NCEH1: variants seen among roughly 807,000 people sequenced by gnomAD.
The protein encoded by NCEH1 is 2-acetyl MAGE hydrolase.
Under a neutral mutation model 25.4 loss-of-function variants are expected in NCEH1, and 9 were observed. The ratio of observed to expected loss-of-function variants is 0.35; its 90% CI spans 0.21 to 0.62. NCEH1 has a LOEUF of 0.62. Among genes scored for constraint, NCEH1 ranks in the 20% least tolerant of loss-of-function variants. NCEH1 has a pLI of 0.72. For synonymous variants in NCEH1, 200 were observed against 199.8 expected (o/e 1.00, Z -0.01); for missense variants, 412 against 501.1 (o/e 0.82, Z 1.70).
At position 172,683,169 on chromosome 3, in the gene NCEH1, C is replaced by T. The variant is rs12630720; in HGVS notation, c.138+27678G>A. 2.8e-3 allele frequency among the ~76,000 whole-genome samples: 179 copies of T among 64,570 alleles called. 35 individuals are homozygous for T. In the East Asian group the frequency reaches 0.051, roughly 18 times the overall value. The allele number at this position is 64,570 out of a possible 152,430, so 42.4% of individuals were successfully genotyped here. A position where few individuals can be genotyped will look rare whatever the true frequency, so the allele number is the denominator to read the frequency against. ...CTGTAATCCCAGCACTTTGGGAGGC[C>T]GAGGCGGGCGGATCACGAGGTCAGG... On this transcript the variant is annotated intron_variant, in intron 1 of 4. Coordinates refer to ENST00000475381, the MANE Select transcript of NCEH1 (RefSeq NM_020792.6).
At chr3:172,707,718 C>T (rs970045426) in intron 1 of NCEH1, among the ~76,000 whole-genome samples, 4 of 151,936 alleles carry the variant, frequency 2.6e-5, no homozygotes, top group Admixed American at 6.6e-5. Flanking sequence ...CCCGAGTAGC[C>T]GGGACTACAG....
intron 3 of NCEH1, among the ~76,000 whole-genome samples, chr3:172,639,332 G>T (rs234007): frequency 0.26 from 38,918 of 150,254 alleles, 5,223 homozygotes; most frequent in East Asian, 0.29. Context: ...TTTGTAGACT[G>T]AAGAATATCC....
intron 1 of NCEH1, among the ~76,000 whole-genome samples, chr3:172,677,791 G>A (rs1235401188): frequency 6.6e-6 from 1 of 152,148 alleles, no homozygotes; most frequent in African/African-American, 2.4e-5. Flanking sequence ...AGCCAGGCGT[G>A]GTGGTGGGCA....
intron 3 of NCEH1, 41 bp downstream of exon 3, chr3:172,645,581 CT>C: frequency 7.8e-7 from 1 of 1,281,734 alleles, no homozygotes; most frequent in East Asian, 2.4e-5. Flanking sequence ...TCTAGAATTC[CT>C]TTATAAGAAA....
intron 1 of NCEH1, among the ~76,000 whole-genome samples, chr3:172,675,302 C>CAAATAAAT (rs56201640): frequency 0.014 from 1,959 of 142,460 alleles, 52 homozygotes; most frequent in African/African-American, 0.05. Context: ...GATCCTGTCT[C>CAAATAAAT]AAATAAATAA....
chr3:172,709,475 G>A (rs1714184193), intron 1 of NCEH1, among the ~76,000 whole-genome samples: 1 of 152,176 alleles, frequency 6.6e-6, no homozygotes, highest in Admixed American at 6.5e-5. Context: ...GCTAAAGAAG[G>A]GGATGATCAT....
chr3:172,676,941 G>A (rs1317816218), intron 1 of NCEH1, among the ~76,000 whole-genome samples: 1 of 152,090 alleles, frequency 6.6e-6, no homozygotes, highest in South Asian at 2.1e-4. Context: ...TCTGGGTCTC[G>A]GGGGCCAAAT....
At position 172,648,241 on chromosome 3, in the gene NCEH1, C is replaced by T. The variant is rs191945682; in HGVS notation, c.139-127G>A. Reference sequence around the variant, plus strand: ...CCACTGGACTGGAGGGCTCATTGAGCCCTTTTAATACAAAAACCAATTGTA... The same window carrying T: ...CCACTGGACTGGAGGGCTCATTGAGTCCTTTTAATACAAAAACCAATTGTA... On this transcript the variant is annotated intron_variant, in intron 1 of 4. Transcript: ENST00000475381. 4,691 of 1,078,050 alleles carry T rather than the reference C, an allele frequency of 4.4e-3. 19 individuals carry two copies. The highest frequency in any genetic ancestry group is 6.1e-3 in the Admixed American group (236 of 38,662). 66.8% of individuals were successfully genotyped at this position (1,078,050 alleles called of 1,614,324 possible).
intron 1 of NCEH1, among the ~76,000 whole-genome samples, chr3:172,686,692 C>T (rs138894195): frequency 6.6e-6 from 1 of 152,332 alleles, no homozygotes; most frequent in East Asian, 1.9e-4. Flanking sequence ...AGGTTTTATG[C>T]AAAAGTGGCG....
At chr3:172,654,000 C>A (rs1445227166) in intron 1 of NCEH1, among the ~76,000 whole-genome samples, 6 of 152,044 alleles carry the variant, frequency 3.9e-5, no homozygotes, top group Admixed American at 3.3e-4. Context: ...CATGATCCTC[C>A]CGCCTTGGCC....
In NCEH1 at chr3:172,662,091, T is replaced by A. The variant is rs149046476; in HGVS notation, c.139-13977A>T. ...TCCAGTTTTTGCCTATTCAGTATGG[T>A]ATTGGCTGTGGGTTTGTCATACATA... is the stretch of plus-strand genomic sequence containing the variant. On this transcript the variant is annotated intron_variant, in intron 1 of 4. Coordinates refer to ENST00000475381, the MANE Select transcript of NCEH1 (RefSeq NM_020792.6). 2.0e-5 allele frequency among the ~76,000 whole-genome samples: 3 copies of A among 152,298 alleles called. No homozygotes were observed. In the East Asian group the frequency reaches 5.8e-4, roughly 29 times the overall value.
intron 1 of NCEH1, among the ~76,000 whole-genome samples, chr3:172,654,263 C>T (rs1717591931): frequency 6.6e-6 from 1 of 152,198 alleles, no homozygotes; most frequent in Non-Finnish European, 1.5e-5. Context: ...ATGACCAAAC[C>T]TCTCTGTACC....
chr3:172,693,283 A>G (rs1302312814), intron 1 of NCEH1, among the ~76,000 whole-genome samples: 1 of 152,218 alleles, frequency 6.6e-6, no homozygotes, highest in Non-Finnish European at 1.5e-5. Context: ...ATAACAAAAT[A>G]TAAGACTATA....
intron 1 of NCEH1, among the ~76,000 whole-genome samples, chr3:172,671,701 T>C (rs1367157778): frequency 6.6e-6 from 1 of 151,564 alleles, no homozygotes; most frequent in African/African-American, 2.4e-5. Flanking sequence ...TAATTACACA[T>C]GCACATATCA....
rs1279515357 is a variant in NCEH1, at chr3:172,711,017, A to G, written c.-33T>C. 1.2e-6 allele frequency: 2 copies of G among 1,613,776 alleles called. No homozygotes were observed. Among genetic ancestry groups the G allele is most frequent in the Non-Finnish European group, 1.7e-6 (2 of 1,179,968 alleles). On this transcript the variant is annotated 5_prime_UTR_variant, in exon 1 of 5. Coordinates refer to ENST00000475381, the MANE Select transcript of NCEH1 (RefSeq NM_020792.6). ...TGGCTCGGCTCGCCAGCGGGCTGGC[A>G]AAGAGGAAAGGGCGATACCACCCGG...
intron 1 of NCEH1, among the ~76,000 whole-genome samples, chr3:172,697,953 C>A (rs1713461087): frequency 6.7e-6 from 1 of 150,336 alleles, no homozygotes; most frequent in Admixed American, 6.6e-5. Context: ...AAAAGCTGAT[C>A]ACTTTCTAAA....
chr3:172,679,613 A>T (rs895888436), intron 1 of NCEH1, among the ~76,000 whole-genome samples: 8 of 151,974 alleles, frequency 5.3e-5, no homozygotes, highest in Admixed American at 6.6e-5. Context: ...TATTTTAGCC[A>T]GATAGTAAGG....
At chr3:172,653,767 T>TTTTGTTTG (rs1560186681) in intron 1 of NCEH1, among the ~76,000 whole-genome samples, 20 of 84,778 alleles carry the variant, frequency 2.4e-4, no homozygotes, top group Non-Finnish European at 3.9e-4. Context: ...TTTGTTTTTT[T>TTTTGTTTG]TTTTTTTTGA....
At chr3:172,692,520 G>C (rs1713122070) in intron 1 of NCEH1, among the ~76,000 whole-genome samples, 1 of 105,408 alleles carries the variant, frequency 9.5e-6, no homozygotes, top group Non-Finnish European at 1.9e-5. Context: ...ACCACACCTG[G>C]CTAATTTTTT....
Sources: gnomAD v4.1 joint callset for allele counts (sites outside exome capture counted in the v4.1 genomes callset) on GRCh38, gnomAD v4.1.1 for gene constraint, MANE v1.5 for transcripts, NCBI Gene and HGNC (gene_info 2026-07-23, HGNC 2026-07-21) for gene names.